TADA2B: variants seen among roughly 807,000 people sequenced by gnomAD.
The protein encoded by TADA2B is transcriptional adapter 2-beta.
TADA2B carries 13 observed loss-of-function variants against 34.5 expected under a neutral mutation model. That is an observed-to-expected ratio of 0.38 (90% CI 0.25 to 0.60). The LOEUF (loss-of-function observed/expected upper bound fraction) is 0.60. TADA2B is among the 20% of genes least tolerant of loss of function. TADA2B has a pLI of 0.65. For missense variants in TADA2B, 442 were observed against 575.0 expected (o/e 0.77, Z 2.37); for synonymous variants, 240 against 243.4 (o/e 0.99, Z 0.13).
In TADA2B at chr4:7,054,664, G is replaced by A; in HGVS notation, c.873G>A (p.Leu291=). 6.2e-7 allele frequency: 1 copy of A among 1,613,926 alleles called. No individual in the cohort carries two copies. Among genetic ancestry groups the A allele is most frequent in the African/African-American group, 1.3e-5 (1 of 75,040 alleles). The change falls in exon 2 of 2, where the codon CTG becomes CTA. Residue 291 remains leucine (L), a synonymous_variant. Transcript: ENST00000310074. ...TGCTCCGGGCCAAGATCCGAGAACTGCAGCGGTACCGGCGAAACGGGATCA... is the reference window on the plus strand; with the variant it reads ...TGCTCCGGGCCAAGATCCGAGAACTACAGCGGTACCGGCGAAACGGGATCA... ...EKMLRAKIRE[L]QRYRRNGITK...
In TADA2B at chr4:7,054,519, C is replaced by T. The variant is rs200382873; in HGVS notation, c.728C>T (p.Ala243Val). The T allele has an allele frequency of 6.4e-5, 104 of 1,613,780 alleles. No homozygotes were observed. The highest frequency in any genetic ancestry group is 1.6e-4 in the Middle Eastern group (1 of 6,062). The change falls in exon 2 of 2, where the codon GCG becomes GTG. Residue 243 changes from alanine to valine, a missense_variant. Coordinates refer to ENST00000310074, the MANE Select transcript of TADA2B (RefSeq NM_152293.3). ...AAGGACAAGAAGGAGAAGGAAAAGG[C>T]GCTGAAGCGCAAGATCACCAAGGAG... is the stretch of plus-strand genomic sequence containing the variant. ...LGKDKKEKEK[A>V]LKRKITKEEK... is the part of the protein sequence containing the mutation.
chr4:7,049,058 G>T (rs1054922154), intron 1 of TADA2B, among the ~76,000 whole-genome samples: 1 of 151,166 alleles, frequency 6.6e-6, no homozygotes, highest in South Asian at 2.1e-4. Flanking sequence ...GTAAATAAAA[G>T]TGGAATTGCT....
chr4:7,056,745 A>G lies in TADA2B; in HGVS notation c.*1691A>G, dbSNP rs2108788026. 1.3e-5 allele frequency: 2 copies of G among 152,364 alleles called. No individual in the cohort carries two copies. Among genetic ancestry groups the G allele is most frequent in the African/African-American group, 4.8e-5 (2 of 41,586 alleles). The allele number at this position is 152,364 out of a possible 1,614,324, so 9.4% of individuals were successfully genotyped here. Reference sequence around the variant, plus strand: ...CAATAAAGTACTGAGCAGTGGTATCATGAGGGCCACCTCCACATTGTCCCC... The same window carrying G: ...CAATAAAGTACTGAGCAGTGGTATCGTGAGGGCCACCTCCACATTGTCCCC... On this transcript the variant is annotated 3_prime_UTR_variant, in exon 2 of 2. Coordinates refer to ENST00000310074, the MANE Select transcript of TADA2B (RefSeq NM_152293.3).
chr4:7,044,306 T>C (rs1180106006), intron 1 of TADA2B, among the ~76,000 whole-genome samples: 1 of 152,192 alleles, frequency 6.6e-6, no homozygotes, highest in Non-Finnish European at 1.5e-5. Flanking sequence ...CCCGTTTGCT[T>C]TCTGTCACTG....
rs935756428 is a variant in TADA2B, at chr4:7,056,584, C to T, written c.*1530C>T. On this transcript the variant is annotated 3_prime_UTR_variant, in exon 2 of 2. Transcript: ENST00000310074. ...TGCCTTTTCCTTTCTTTTTACACATCCTACTGTCCCTTAGGGTAAAATTTT... is the reference window on the plus strand; with the variant it reads ...TGCCTTTTCCTTTCTTTTTACACATTCTACTGTCCCTTAGGGTAAAATTTT... 1 of 152,214 alleles carries T rather than the reference C, an allele frequency of 6.6e-6. No individual in the cohort carries two copies. Among genetic ancestry groups the T allele is most frequent in the African/African-American group, 2.4e-5 (1 of 41,448 alleles). The allele number at this position is 152,214 out of a possible 1,614,324, so 9.4% of individuals were successfully genotyped here.
intron 1 of TADA2B, among the ~76,000 whole-genome samples, chr4:7,050,480 G>T (rs1322786198): frequency 2.6e-5 from 4 of 152,254 alleles, no homozygotes; most frequent in Non-Finnish European, 5.9e-5. Flanking sequence ...TGGAGACGAC[G>T]CCTGGCCCCA....
At chr4:7,045,007 A>AT (rs1246556585) in intron 1 of TADA2B, 2 of 152,146 alleles carry the variant, frequency 1.3e-5, no homozygotes, top group Admixed American at 6.5e-5. Context: ...TGGGATCTCC[A>AT]TTTTTCAGAA....
Position 7,054,522 on chromosome 4 carries a change from T to C in TADA2B, c.731T>C (p.Leu244Pro), listed in dbSNP as rs752071626. The part of the protein sequence containing the change: ...GKDKKEKEKA[L>P]KRKITKEEKE... ...GACAAGAAGGAGAAGGAAAAGGCGC[T>C]GAAGCGCAAGATCACCAAGGAGGAG... is the stretch of plus-strand genomic sequence containing the variant. The change falls in exon 2 of 2, where the codon CTG (leucine) becomes CCG (proline). Residue 244 changes from leucine to proline, a missense_variant. By Grantham distance (98) the Leu-to-Pro change is moderately conservative. Transcript: ENST00000310074. The C allele has an allele frequency of 1.2e-6, 2 of 1,613,792 alleles. No homozygotes were observed. The highest frequency in any genetic ancestry group is 1.7e-6 in the Non-Finnish European group (2 of 1,179,892).
chr4:7,054,114 A>C lies in TADA2B; in HGVS notation c.323A>C (p.Glu108Ala). The C allele has an allele frequency of 6.2e-7, 1 of 1,601,928 alleles. No homozygotes were observed. Among genetic ancestry groups the C allele is most frequent in the Non-Finnish European group, 8.5e-7 (1 of 1,174,522 alleles). ...GASRTPQEVMEHYVSMYIHGN... is the reference protein window; with the variant it reads ...GASRTPQEVMAHYVSMYIHGN... ...TCCCGGACTCCCCAAGAGGTGATGG[A>C]GCATTACGTGAGCATGTACATCCAC... The change falls in exon 2 of 2, where the codon GAG (glutamate) becomes GCG (alanine). Residue 108 changes from glutamate (E) to alanine (A), a missense_variant. Around this residue, in one of 4 missense-constraint regions of TADA2B, gnomAD observed 102 missense variants for 177.2 expected, o/e 0.58. Transcript: ENST00000310074.
intron 1 of TADA2B, 51 bp downstream of exon 1, chr4:7,043,900 C>T (rs1054397871): frequency 2.0e-5 from 28 of 1,433,534 alleles, no homozygotes; most frequent in Non-Finnish European, 2.5e-5. Context: ...GGAAGGCCCG[C>T]GCCTCTCCTG....
intron 1 of TADA2B, among the ~76,000 whole-genome samples, chr4:7,045,395 C>T (rs1723601880): frequency 6.6e-6 from 1 of 152,234 alleles, no homozygotes. Flanking sequence ...TATTCCCCCT[C>T]CACCCCATTC....
chr4:7,050,555 C>G (rs1723736679), intron 1 of TADA2B, among the ~76,000 whole-genome samples: 1 of 152,232 alleles, frequency 6.6e-6, no homozygotes, highest in Admixed American at 6.5e-5. Context: ...CTTCACAGAC[C>G]AGATGGGGGT....
At position 7,055,030 on chromosome 4, in the gene TADA2B, C is replaced by T. The variant is rs753786244; in HGVS notation, c.1239C>T (p.Gly413=). The change falls in exon 2 of 2, where the codon GGC becomes GGT. Residue 413 remains glycine, a synonymous_variant. Transcript: ENST00000310074. The stretch of plus-strand genomic sequence containing the variant: ...TTTTGAATTTCCTCACAGAAAGCGG[C>T]TGGATCTCCAGGGACGCGTCTTGAA... ...KRILNFLTES[G]WISRDAS The T allele has an allele frequency of 3.4e-5, 54 of 1,611,282 alleles. No homozygotes were observed. The highest frequency in any genetic ancestry group is 4.2e-5 in the Non-Finnish European group (50 of 1,179,246).
rs1723861681 is a variant in TADA2B at position 7,055,212 on chromosome 4, A to C, written c.*158A>C. Reference sequence around the variant, plus strand: ...CTTTTCATGGTCCTCTGAAAGAAGCAATAGTAACAATCTTATATTGGATCA... The same window carrying C: ...CTTTTCATGGTCCTCTGAAAGAAGCCATAGTAACAATCTTATATTGGATCA... On this transcript the variant is annotated 3_prime_UTR_variant, in exon 2 of 2. Coordinates refer to ENST00000310074, the MANE Select transcript of TADA2B (RefSeq NM_152293.3). 1.3e-6 allele frequency: 1 copy of C among 748,670 alleles called. No homozygotes were observed. The highest frequency in any genetic ancestry group is 3.0e-5 in the Admixed American group (1 of 33,528). 46.4% of individuals were successfully genotyped at this position (748,670 alleles called of 1,614,324 possible).
rs1055804392 is a variant in TADA2B at position 7,054,446 on chromosome 4, C to T, written c.655C>T (p.Arg219Trp). 4.3e-6 allele frequency: 7 copies of T among 1,613,668 alleles called. No individual in the cohort carries two copies. Among genetic ancestry groups the T allele is most frequent in the African/African-American group, 1.3e-5 (1 of 75,048 alleles). Residue 219 changes from arginine (R) to tryptophan (W), a missense_variant, in exon 2 of 2, where the codon CGG becomes TGG. This residue lies in a region of TADA2B where 222 missense variants were observed against 235.2 expected (regional missense o/e 0.94). Coordinates refer to ENST00000310074, the MANE Select transcript of TADA2B (RefSeq NM_152293.3). ...GCGGAAGCTGAAAGAGAGACAGCGG[C>T]GGAAGAACATCGCCCGTGACTACAA... ...YVRKLKERQR[R>W]KNIARDYNLV...
chr4:7,048,549 ATTAT>A (rs1368362974), intron 1 of TADA2B, among the ~76,000 whole-genome samples: 1 of 152,186 alleles, frequency 6.6e-6, no homozygotes, highest in South Asian at 2.1e-4. Flanking sequence ...AAACTTCAAA[ATTAT>A]TTAAAAATAT....
chr4:7,047,021 TTGGCTACAGTGGG>T (rs1463742760), intron 1 of TADA2B, among the ~76,000 whole-genome samples: 7 of 152,218 alleles, frequency 4.6e-5, no homozygotes, highest in African/African-American at 1.7e-4. Context: ...TTAAAGGACC[TTGGCTACAGTGGG>T]TAAGAGTTGG....
intron 1 of TADA2B, among the ~76,000 whole-genome samples, chr4:7,046,417 C>A (rs900238562): frequency 1.3e-5 from 2 of 152,150 alleles, no homozygotes; most frequent in Admixed American, 1.3e-4. Flanking sequence ...CCTAGCAACC[C>A]TCGGGGGTGG....
Position 7,055,748 on chromosome 4 carries a change from T to C in TADA2B, c.*694T>C, listed in dbSNP as rs369557376. The C allele has an allele frequency of 1.6e-4, 24 of 152,370 alleles. No individual in the cohort carries two copies. Among genetic ancestry groups the C allele is most frequent in the African/African-American group, 5.3e-4 (22 of 41,578 alleles). The allele number at this position is 152,370 out of a possible 1,614,324, so 9.4% of individuals were successfully genotyped here. ...AAGCTGACCCTGCGCCCCATTTGAA[T>C]ACGGCCAGAGCCTGCTGGTTCACTT... On this transcript the variant is annotated 3_prime_UTR_variant, in exon 2 of 2. Coordinates refer to ENST00000310074, the MANE Select transcript of TADA2B (RefSeq NM_152293.3).
Sources: allele counts gnomAD v4.1 joint callset (sites outside exome capture counted in the v4.1 genomes callset), GRCh38; gene constraint gnomAD v4.1.1; regional missense constraint gnomAD v4.1.1; transcripts MANE v1.5; gene names NCBI Gene and HGNC (gene_info 2026-07-23, HGNC 2026-07-21).